Variants in MAGEA11 observed in about 807,000 individuals in gnomAD.
The protein encoded by MAGEA11 is MAGE family member A11, also known as melanoma-associated antigen 11.
A neutral mutation model predicts 8.4 loss-of-function variants in MAGEA11; 1 was observed. That is an observed-to-expected ratio of 0.12 (90% CI 0.04 to 0.57). MAGEA11 has a LOEUF of 0.57. Ranked by LOEUF, MAGEA11 falls within the 20% of genes least tolerant of loss-of-function variation. The pLI, the probability that MAGEA11 is intolerant of heterozygous loss-of-function variation, is 0.91. For missense variants in MAGEA11, 209 were observed against 317.3 expected, an observed-to-expected ratio of 0.66 and a Z score of 2.59; for synonymous variants, 127 against 119.3, an observed-to-expected ratio of 1.06 and a Z score of -0.42.
At chrX:149,693,458 C>T (rs2090318363) in intron 1 of MAGEA11, among the ~76,000 whole-genome samples, 1 of 111,214 alleles carries the variant, frequency 9.0e-6, no homozygotes, top group Non-Finnish European at 1.9e-5. Context: ...AGAGTTCCTG[C>T]CCCCTCTTCA....
intron 1 of MAGEA11, 61 bp from the exon 2 acceptor site, chrX:149,713,082 A>G (rs1220001769): frequency 8.3e-6 from 6 of 723,962 alleles, no homozygotes; most frequent in African/African-American, 4.3e-5. Flanking sequence ...GGGACCCAGC[A>G]CCCCAGAACA....
At chrX:149,693,369 A>G (rs1220036247) in intron 1 of MAGEA11, among the ~76,000 whole-genome samples, 1 of 111,112 alleles carries the variant, frequency 9.0e-6, no homozygotes, top group Non-Finnish European at 1.9e-5. Flanking sequence ...TGTTTTTGCT[A>G]TCACCTTCAA....
In MAGEA11 at chrX:149,716,560, C is replaced by T. The variant is rs781994772; in HGVS notation, c.1074C>T (p.Leu358=). ...TCCTCTTTGGGGAGCCCAAGAGGCT[C>T]CTTACCCAAAATTGGGTGCAGGAAA... The part of the protein sequence containing the change: ...EHFLFGEPKR[L]LTQNWVQEKY... Residue 358 remains leucine, a synonymous_variant, in exon 5 of 5, where the codon CTC becomes CTT. Transcript: ENST00000355220. The T allele has an allele frequency of 8.3e-7, 1 of 1,211,368 alleles. No homozygotes were observed. The highest frequency in any genetic ancestry group is 1.1e-6 in the Non-Finnish European group (1 of 895,298).
chrX:149,701,018 A>G (rs1244764333), intron 1 of MAGEA11, among the ~76,000 whole-genome samples: 1 of 109,828 alleles, frequency 9.1e-6, no homozygotes, highest in African/African-American at 3.3e-5. Context: ...TAGTGCTGCA[A>G]TAAACATACG....
intron 1 of MAGEA11, among the ~76,000 whole-genome samples, chrX:149,690,820 T>C (rs2090307393): frequency 1.8e-5 from 2 of 111,936 alleles, no homozygotes; most frequent in South Asian, 7.5e-4. Context: ...ACATTTCTTC[T>C]AGTGCACATA....
chrX:149,712,534 G>A (rs1557362012), intron 1 of MAGEA11, among the ~76,000 whole-genome samples: 1 of 110,867 alleles, frequency 9.0e-6, no homozygotes, highest in South Asian at 3.9e-4. Context: ...GTGATAGCCC[G>A]GTTCTGAAGG....
At chrX:149,693,979 T>C (rs1485175881) in intron 1 of MAGEA11, among the ~76,000 whole-genome samples, 1 of 112,312 alleles carries the variant, frequency 8.9e-6, no homozygotes, top group Non-Finnish European at 1.9e-5. Context: ...GATGGACATT[T>C]AGGTTATTTC....
At chrX:149,714,605 T>G (rs1557362274) in intron 3 of MAGEA11, 29 bp downstream of exon 3, 1 of 1,202,887 alleles carries the variant, frequency 8.3e-7, no homozygotes. Flanking sequence ...GATTGAGGGT[T>G]CCTCCTGGCC....
upstream of MAGEA11, among the ~76,000 whole-genome samples, chrX:149,688,450 C>T (rs1349889461): frequency 2.7e-5 from 3 of 111,466 alleles, no homozygotes; most frequent in African/African-American, 6.5e-5. Context: ...CCTTCTGAGG[C>T]CTAAAGCACT....
At chrX:149,690,330 T>A (rs782002427) in intron 1 of MAGEA11, among the ~76,000 whole-genome samples, 2 of 112,759 alleles carry the variant, frequency 1.8e-5, no homozygotes, top group South Asian at 7.4e-4. Flanking sequence ...AGTTTCTCAT[T>A]TAAGGAATAT....
rs145524420 is a variant in MAGEA11, at chrX:149,715,753, G to C, written c.267G>C (p.Val89=). The change falls in exon 5 of 5, where the codon GTG becomes GTC. Residue 89 remains valine, a splice_region_variant and synonymous_variant. Coordinates refer to ENST00000355220, the MANE Select transcript of MAGEA11 (RefSeq NM_005366.5). ...RTQRITGGEQ[V]LWGPITQIFP... is the part of the protein sequence containing the mutation. ...GTTCTCACGCTCCCTCTCTCCCCAG[G>C]CTGTGGGGCCCCATCACCCAGATAT... 8.3e-7 allele frequency: 1 copy of C among 1,199,628 alleles called. No homozygotes were observed. Among genetic ancestry groups the C allele is most frequent in the African/African-American group, 1.8e-5 (1 of 56,671 alleles).
At chrX:149,692,799 G>A (rs1338948369) in intron 1 of MAGEA11, among the ~76,000 whole-genome samples, 1 of 111,755 alleles carries the variant, frequency 8.9e-6, no homozygotes, top group Non-Finnish European at 1.9e-5. Context: ...CAAATCATAA[G>A]GGCAGGTGTT....
chrX:149,716,831 G>T lies in MAGEA11; in HGVS notation c.*55G>T. The T allele has an allele frequency of 9.4e-7, 1 of 1,066,281 alleles. No homozygotes were observed. The highest frequency in any genetic ancestry group is 1.9e-5 in the African/African-American group (1 of 53,899). 87.9% of individuals were successfully genotyped at this position (1,066,281 alleles called of 1,213,427 possible). A position where few individuals can be genotyped will look rare whatever the true frequency, so the allele number is the denominator to read the frequency against. On this transcript the variant is annotated 3_prime_UTR_variant, in exon 5 of 5. Coordinates refer to ENST00000355220, the MANE Select transcript of MAGEA11 (RefSeq NM_005366.5). The stretch of plus-strand genomic sequence containing the variant: ...GGGAAATGGGCCAATGCATGCTTCA[G>T]GGCCACACCCAGCAGTTTCCCTGTC...
Position 149,716,657 on chromosome X carries a change from C to T in MAGEA11, c.1171C>T (p.His391Tyr). 8.3e-7 allele frequency: 1 copy of T among 1,211,833 alleles called. No homozygotes were observed. The highest frequency in any genetic ancestry group is 1.7e-5 in the African/African-American group (1 of 57,847). Residue 391 changes from histidine to tyrosine, a missense_variant, in exon 5 of 5, where the codon CAC (histidine) becomes TAC (tyrosine). This residue lies in a region of MAGEA11 where 78 missense variants were observed against 178.8 expected (regional missense o/e 0.44). Coordinates refer to ENST00000355220, the MANE Select transcript of MAGEA11 (RefSeq NM_005366.5). The stretch of plus-strand genomic sequence containing the variant: ...TGAGTTCCTGTGGGGTCCAAGGGCC[C>T]ACGCTGAGACCAGCAAGATGAAAGT... ...CYEFLWGPRA[H>Y]AETSKMKVLE...
At chrX:149,699,120 T>C (rs1416806759) in intron 1 of MAGEA11, among the ~76,000 whole-genome samples, 1 of 112,301 alleles carries the variant, frequency 8.9e-6, no homozygotes. Context: ...TCTCTTTTAG[T>C]GAATTTTTTG....
At chrX:149,702,280 A>G (rs1319782581) in intron 1 of MAGEA11, among the ~76,000 whole-genome samples, 1 of 111,532 alleles carries the variant, frequency 9.0e-6, no homozygotes, top group African/African-American at 3.3e-5. Context: ...AAAGTCTCCA[A>G]TAATTATTGT....
At chrX:149,694,221 T>C (rs937860965) in intron 1 of MAGEA11, among the ~76,000 whole-genome samples, 14 of 112,442 alleles carry the variant, frequency 1.2e-4, no homozygotes, top group African/African-American at 4.2e-4. Flanking sequence ...TCCTTAGAGA[T>C]ACTATTATTG....
intron 2 of MAGEA11, chrX:149,713,925 G>A (rs1005533633): frequency 5.3e-5 from 6 of 112,929 alleles, no homozygotes; most frequent in African/African-American, 1.6e-4. Flanking sequence ...TTCATCCCTC[G>A]GAGGCCCAAG....
At position 149,705,116 on chromosome X, in the gene MAGEA11, A is replaced by T. The variant is rs1483211846; in HGVS notation, c.10-9365A>T. Among the ~76,000 whole-genome samples the T allele has an allele frequency of 2.7e-5, 3 of 112,309 alleles. No individual in the cohort carries two copies. In the Admixed American group the frequency reaches 2.8e-4, roughly 11 times the overall value. ...GATCAAGGATAAAAGGAGACCCAGG[A>T]CTCCTTATTTGCTCAGGAAAAGCTG... On this transcript the variant is annotated intron_variant, in intron 1 of 3. Coordinates refer to the MAGEA11 transcript ENST00000333104.
Sources: gnomAD v4.1 joint callset for allele counts (sites outside exome capture counted in the v4.1 genomes callset) on GRCh38, gnomAD v4.1.1 for gene constraint, gnomAD v4.1.1 regional missense constraint, MANE v1.5 for transcripts, NCBI Gene and HGNC (gene_info 2026-07-23, HGNC 2026-07-21) for gene names.